The following LRIG2 variants were observed in gnomAD, a reference collection of about 807,000 sequenced individuals.
The protein encoded by LRIG2 is leucine-rich repeats and immunoglobulin-like domains protein 2.
A neutral mutation model predicts 107.8 loss-of-function variants in LRIG2; 93 were observed. That is an observed-to-expected ratio of 0.86 (90% CI 0.73 to 1.03). The LOEUF is 1.03. Ranked by LOEUF, LRIG2 falls within the 50% of genes least tolerant of loss-of-function variation. The pLI, the probability that LRIG2 is intolerant of heterozygous loss-of-function variation, is 0.00. For synonymous variants in LRIG2, 471 were observed against 470.6 expected (o/e 1.00, Z -0.01); for missense variants, 1,226 against 1,296.0 (o/e 0.95, Z 0.83).
intron 1 of LRIG2, among the ~76,000 whole-genome samples, chr1:113,075,868 C>G (rs1652957047): frequency 6.6e-6 from 1 of 150,696 alleles, no homozygotes; most frequent in Admixed American, 6.6e-5. Context: ...GCTAATTTTT[C>G]ATATTTTTAG....
intron 1 of LRIG2, among the ~76,000 whole-genome samples, chr1:113,082,333 A>G (rs1339430317): frequency 2.6e-5 from 4 of 152,238 alleles, no homozygotes; most frequent in Non-Finnish European, 4.4e-5. Context: ...GATCTAATAC[A>G]GATCTGATAC....
At chr1:113,112,110 G>A (rs1328437253) in intron 13 of LRIG2, among the ~76,000 whole-genome samples, 1 of 145,996 alleles carries the variant, frequency 6.8e-6, no homozygotes, top group African/African-American at 2.5e-5. Flanking sequence ...CTGAGGTTCT[G>A]GAAGAAAAGA....
chr1:113,127,312 C>G lies in LRIG2; in HGVS notation c.*3211C>G, dbSNP rs2101078907. On this transcript the variant is annotated 3_prime_UTR_variant, in exon 18 of 18. Coordinates refer to ENST00000361127, the MANE Select transcript of LRIG2 (RefSeq NM_014813.3). Reference sequence around the variant, plus strand: ...TTGGCTTACTGCAACCTCCGCCTCCCAGGTTCAAGCAATTCTCTTGCCTCA... The same window carrying G: ...TTGGCTTACTGCAACCTCCGCCTCCGAGGTTCAAGCAATTCTCTTGCCTCA... 1 of 151,976 alleles carries G rather than the reference C, an allele frequency of 6.6e-6. No individual in the cohort carries two copies. The highest frequency in any genetic ancestry group is 1.9e-4 in the East Asian group (1 of 5,156). The allele number at this position is 151,976 out of a possible 1,614,324, so 9.4% of individuals were successfully genotyped here. A position where few individuals can be genotyped will look rare whatever the true frequency, so the allele number is the denominator to read the frequency against.
intron 1 of LRIG2, among the ~76,000 whole-genome samples, chr1:113,077,435 C>T (rs146384608): frequency 1.3e-5 from 2 of 152,148 alleles, no homozygotes; most frequent in Non-Finnish European, 2.9e-5. Flanking sequence ...AGCCACTGTG[C>T]CTGGCCAGCT....
intron 1 of LRIG2, among the ~76,000 whole-genome samples, chr1:113,090,701 G>A (rs1433699813): frequency 2.0e-5 from 3 of 151,436 alleles, no homozygotes; most frequent in African/African-American, 7.3e-5. Context: ...AGCCGGGCGT[G>A]GTGGCGGGCG....
Position 113,100,288 on chromosome 1 carries a change from T to C in LRIG2, c.1244+6T>C. 1.9e-6 allele frequency: 3 copies of C among 1,580,684 alleles called. No individual in the cohort carries two copies. Among genetic ancestry groups the C allele is most frequent in the Non-Finnish European group, 2.6e-6 (3 of 1,155,200 alleles). ...CTTGAATCCCTTGAGCATCTGTAAG[T>C]ATTTTGCATACATTTTGCTTACTCT... On this transcript the variant is annotated splice_donor_region_variant and intron_variant, in intron 10 of 17. Transcript: ENST00000361127.
At chr1:113,113,624 G>A (rs763050779) in intron 14 of LRIG2, among the ~76,000 whole-genome samples, 9 of 151,296 alleles carry the variant, frequency 5.9e-5, no homozygotes, top group South Asian at 2.1e-4. Context: ...ATGCAGTGGC[G>A]CAATCTCGGC....
At chr1:113,076,734 A>G (rs1455833271) in intron 1 of LRIG2, among the ~76,000 whole-genome samples, 4 of 152,236 alleles carry the variant, frequency 2.6e-5, no homozygotes. Flanking sequence ...ACTTGTGACC[A>G]TCAAAATGAT....
chr1:113,074,159 T>C (rs1432557762), intron 1 of LRIG2, among the ~76,000 whole-genome samples: 1 of 152,188 alleles, frequency 6.6e-6, no homozygotes, highest in African/African-American at 2.4e-5. Context: ...TGCTGCAGTT[T>C]TGATACTTAA....
intron 1 of LRIG2, among the ~76,000 whole-genome samples, chr1:113,089,622 TATTATTA>T (rs1208907684): frequency 6.6e-6 from 1 of 151,832 alleles, no homozygotes; most frequent in Admixed American, 6.6e-5. Context: ...ATGCCGTCAT[TATTATTA>T]ACATAATTTG....
At chr1:113,083,997 TATA>T (rs55895711) in intron 1 of LRIG2, among the ~76,000 whole-genome samples, 10,216 of 125,564 alleles carry the variant, frequency 0.081, 636 homozygotes, top group African/African-American at 0.19. Context: ...GAACTTAAAG[TATA>T]ATAATAATAA....
chr1:113,090,564 G>A (rs72683494), intron 1 of LRIG2, among the ~76,000 whole-genome samples: 15,849 of 151,366 alleles, frequency 0.1, 1,024 homozygotes, highest in Admixed American at 0.16. Flanking sequence ...TTGGCTGGGT[G>A]TGGTGTCTCA....
Position 113,110,990 on chromosome 1 carries a change from T to TTGTG in LRIG2, c.1798+446_1798+449dup, listed in dbSNP as rs71087153. On this transcript the variant is annotated intron_variant, in intron 13 of 17. Transcript: ENST00000361127. ...TCTAAATGTAGTTACACAGGATCAT[T>TTGTG]TGTGTGTGTGTGTGTGTGTGTATTT... Among the ~76,000 whole-genome samples, 1,019 of 149,526 alleles carry TTGTG rather than the reference T, an allele frequency of 6.8e-3. 7 individuals are homozygous for TTGTG. Among genetic ancestry groups the TTGTG allele is most frequent in the African/African-American group, 0.011 (467 of 40,850 alleles).
chr1:113,114,539 AGAT>A lies in LRIG2; in HGVS notation c.2198_2200del (p.Asp733del), dbSNP rs757706577. On this transcript the variant is annotated inframe_deletion, in exon 15 of 18. Transcript: ENST00000361127. Reference sequence around the variant, plus strand: ...CTGCCCCTCGTCTCAACTGGACTAAAGATGATGGGCCTTTGCTGGTGACAGAAC... The same window carrying A: ...CTGCCCCTCGTCTCAACTGGACTAAAGATGGGCCTTTGCTGGTGACAGAAC... 6.2e-7 allele frequency: 1 copy of A among 1,614,158 alleles called. No homozygotes were observed.
intron 1 of LRIG2, among the ~76,000 whole-genome samples, chr1:113,090,627 G>C (rs1471016601): frequency 6.6e-6 from 1 of 151,538 alleles, no homozygotes; most frequent in African/African-American, 2.4e-5. Flanking sequence ...CACGAGGTCA[G>C]GAGATCGAGA....
In LRIG2 at chr1:113,110,499, C is replaced by T. The variant is rs753812733; in HGVS notation, c.1735C>T (p.Gln579Ter). The T allele has an allele frequency of 6.2e-7, 1 of 1,613,318 alleles. No individual in the cohort carries two copies. Among genetic ancestry groups the T allele is most frequent in the Non-Finnish European group, 8.5e-7 (1 of 1,179,232 alleles). The change falls in exon 13 of 18, where the codon CAG (glutamine) becomes TAG (stop). Residue 579 changes from glutamine to a stop codon, truncating the protein, a stop_gained. Coordinates refer to ENST00000361127, the MANE Select transcript of LRIG2 (RefSeq NM_014813.3). LOFTEE classifies it high-confidence loss of function. ...NVNFTDEGKYQCIVTNHFGSN... is the reference protein window; with the variant it reads ...NVNFTDEGKY ...GAATTTCACAGATGAAGGAAAATAT[C>T]AGTGTATTGTTACTAATCACTTTGG... is the stretch of plus-strand genomic sequence containing the variant.
rs956403523 is a variant in LRIG2 at position 113,124,094 on chromosome 1, G to A, written c.3191G>A (p.Gly1064Asp). 6.2e-7 allele frequency: 1 copy of A among 1,613,456 alleles called. No individual in the cohort carries two copies. Among genetic ancestry groups the A allele is most frequent in the Admixed American group, 1.7e-5 (1 of 60,016 alleles). ...CGGAACATTCAAGATGGTAGTGAGG[G>A]CACATGAAACTCACTTCAGGATGAA... ...RTRNIQDGSE[G>D]T is the part of the protein sequence containing the mutation. The change falls in exon 18 of 18, where the codon GGC becomes GAC. Residue 1064 changes from glycine to aspartate, a missense_variant. By Grantham distance (94) the Gly-to-Asp change is moderately conservative. Coordinates refer to ENST00000361127, the MANE Select transcript of LRIG2 (RefSeq NM_014813.3).
intron 12 of LRIG2, among the ~76,000 whole-genome samples, chr1:113,108,643 G>A (rs1050732292): frequency 2.0e-5 from 3 of 152,014 alleles, no homozygotes; most frequent in African/African-American, 7.2e-5. Flanking sequence ...TTGGGAGGCT[G>A]AGGCAGGTGG....
intron 17 of LRIG2, among the ~76,000 whole-genome samples, chr1:113,120,547 G>A (rs1042878961): frequency 7.6e-6 from 1 of 130,840 alleles, no homozygotes; most frequent in South Asian, 2.5e-4. Flanking sequence ...GTTCGCTCTT[G>A]TTTCCCAAGC....
Sources: allele counts gnomAD v4.1 joint callset (sites outside exome capture counted in the v4.1 genomes callset), GRCh38; gene constraint gnomAD v4.1.1; transcripts MANE v1.5; gene names NCBI Gene and HGNC (gene_info 2026-07-23, HGNC 2026-07-21).